Variants in DNAH5 observed in about 807,000 individuals in gnomAD.
DNAH5 encodes the protein dynein axonemal heavy chain 5, also known as axonemal beta dynein heavy chain 5.
In DNAH5, 372 loss-of-function variants were observed where a neutral mutation model predicts 518.2. The observed-to-expected ratio is 0.72, with a 90% CI of 0.66 to 0.78. The LOEUF (loss-of-function observed/expected upper bound fraction) is 0.78. Ranked by LOEUF, DNAH5 falls within the 30% of genes least tolerant of loss-of-function variation. The pLI is 0.00. For synonymous variants in DNAH5, 2,039 were observed against 2,025.9 expected (o/e 1.01, Z -0.17); for missense variants, 5,523 against 5,687.0 (o/e 0.97, Z 0.93).
At chr5:13,928,360 A>T (rs969614746) in intron 2 of DNAH5, among the ~76,000 whole-genome samples, 182 bp from the exon 3 acceptor site, 1 of 152,262 alleles carries the variant, frequency 6.6e-6, no homozygotes, top group Non-Finnish European at 1.5e-5. Context: ...GTCTCACCAT[A>T]GTAAAGACTC....
chr5:13,846,340 T>G (rs562456346), intron 31 of DNAH5, among the ~76,000 whole-genome samples: 2 of 152,134 alleles, frequency 1.3e-5, no homozygotes, highest in Non-Finnish European at 2.9e-5. Context: ...TTGTGAACAT[T>G]GTATTATTTC....
intron 70 of DNAH5, among the ~76,000 whole-genome samples, chr5:13,723,042 T>G (rs1396976975): frequency 1.3e-5 from 2 of 152,204 alleles, no homozygotes; most frequent in East Asian, 3.8e-4. Flanking sequence ...CCTTCCTCTC[T>G]ATTAGTTCAG....
Position 13,864,390 on chromosome 5 carries a change from A to T in DNAH5, c.4596+7T>A. ...ACCTTGCAATCTTCCATCACATCAT[A>T]CTCTACCTCTATTTCCTCTTTATAT... is the stretch of plus-strand genomic sequence containing the variant. On this transcript the variant is annotated splice_region_variant and intron_variant, in intron 28 of 78. Coordinates refer to ENST00000265104, the MANE Select transcript of DNAH5 (RefSeq NM_001369.3). The T allele has an allele frequency of 6.2e-7, 1 of 1,613,510 alleles. No homozygotes were observed. Among genetic ancestry groups the T allele is most frequent in the Non-Finnish European group, 8.5e-7 (1 of 1,179,930 alleles).
At chr5:13,863,159 A>T (rs1768734489) in intron 28 of DNAH5, among the ~76,000 whole-genome samples, 1 of 152,126 alleles carries the variant, frequency 6.6e-6, no homozygotes, top group Non-Finnish European at 1.5e-5. Context: ...TGATTCTCCC[A>T]TGGCTCTGTT....
rs1766726213 is a variant in DNAH5 at position 13,850,780 on chromosome 5, C to T, written c.4986G>A (p.Trp1662Ter). 6.2e-7 allele frequency: 1 copy of T among 1,614,008 alleles called. No homozygotes were observed. Among genetic ancestry groups the T allele is most frequent in the African/African-American group, 1.3e-5 (1 of 74,912 alleles). ...AKRFSNIDKS[W>*]VKIMTRAHEV... ...CATGTGCCCGAGTCATGATCTTCAC[C>T]CAAGATTTATCTATGTTAGAAAACC... The change falls in exon 31 of 79, where the codon TGG (tryptophan) becomes TGA (stop). Residue 1662 changes from tryptophan to a stop codon, truncating the protein, a stop_gained. Coordinates refer to ENST00000265104, the MANE Select transcript of DNAH5 (RefSeq NM_001369.3). LOFTEE classifies it high-confidence loss of function.
At chr5:13,839,266 C>T in intron 35 of DNAH5, 90 bp downstream of exon 35, 5 of 1,156,402 alleles carry the variant, frequency 4.3e-6, no homozygotes, top group Non-Finnish European at 6.5e-6. Flanking sequence ...GTATAAAGAG[C>T]CTATAAACCC....
chr5:13,749,768 C>T (rs373062669), intron 65 of DNAH5, among the ~76,000 whole-genome samples: 7 of 152,200 alleles, frequency 4.6e-5, no homozygotes, highest in African/African-American at 1.7e-4. Context: ...CTCCAGGTCA[C>T]ATGCTATTGC....
chr5:13,878,609 C>T (rs1478496060), intron 21 of DNAH5, among the ~76,000 whole-genome samples: 3 of 152,186 alleles, frequency 2.0e-5, no homozygotes, highest in African/African-American at 2.4e-5. Context: ...AGCTACGACA[C>T]GCACCAAGTG....
At chr5:13,778,907 T>C (rs1191708361) in intron 53 of DNAH5, among the ~76,000 whole-genome samples, 1 of 152,212 alleles carries the variant, frequency 6.6e-6, no homozygotes, top group Non-Finnish European at 1.5e-5. Flanking sequence ...GCAGAGGAAC[T>C]AGTCTGCCAC....
intron 1 of DNAH5, among the ~76,000 whole-genome samples, chr5:13,957,323 CAA>C (rs1780826952): frequency 6.6e-6 from 1 of 152,138 alleles, no homozygotes; most frequent in African/African-American, 2.4e-5. Context: ...TAAGGAAATA[CAA>C]AACAGACCCA....
chr5:13,962,735 T>C (rs1781265710), intron 1 of DNAH5, among the ~76,000 whole-genome samples: 1 of 152,158 alleles, frequency 6.6e-6, no homozygotes, highest in African/African-American at 2.4e-5. Context: ...GGGTTCTCCC[T>C]AAACTGGCTT....
intron 1 of DNAH5, among the ~76,000 whole-genome samples, chr5:13,977,641 A>C (rs981810705): frequency 3.3e-5 from 5 of 151,912 alleles, no homozygotes; most frequent in African/African-American, 1.2e-4. Context: ...CCAGACTAGC[A>C]ACTCCAATTT....
At chr5:13,760,487 A>G (rs1751628899) in intron 60 of DNAH5, among the ~76,000 whole-genome samples, 1 of 152,224 alleles carries the variant, frequency 6.6e-6, no homozygotes, top group Admixed American at 6.5e-5. Flanking sequence ...TACTGTTATT[A>G]TCTATGTTCA....
At chr5:13,863,996 C>A (rs1014988747) in intron 28 of DNAH5, among the ~76,000 whole-genome samples, 9 of 152,190 alleles carry the variant, frequency 5.9e-5, no homozygotes, top group Non-Finnish European at 7.4e-5. Context: ...AGCCCCTCAC[C>A]CCAACCACAC....
At position 13,787,045 on chromosome 5, in the gene DNAH5, C is replaced by A. The variant is rs539490167; in HGVS notation, c.8648-694G>T. ...GACCAGCCTGACCAACATGGTGAAA[C>A]CCCATCTCTACTAAAATTACAGAAA... On this transcript the variant is annotated intron_variant, in intron 51 of 78. Transcript: ENST00000265104. Among the ~76,000 whole-genome samples, 338 of 152,086 alleles carry A rather than the reference C, an allele frequency of 2.2e-3. 3 individuals are homozygous for A. The highest frequency in any genetic ancestry group is 7.9e-3 in the African/African-American group (328 of 41,502).
intron 30 of DNAH5, among the ~76,000 whole-genome samples, chr5:13,851,733 A>G (rs1028500415): frequency 6.6e-6 from 1 of 152,120 alleles, no homozygotes; most frequent in Non-Finnish European, 1.5e-5. Context: ...TCTAAGTCCA[A>G]TTTTAGATTC....
At chr5:13,973,080 T>C (rs777857095) in intron 1 of DNAH5, among the ~76,000 whole-genome samples, 11 of 152,182 alleles carry the variant, frequency 7.2e-5, no homozygotes, top group Non-Finnish European at 1.5e-4. Context: ...GCCTGGATTA[T>C]CCAGGTGGGC....
At position 13,774,312 on chromosome 5, in the gene DNAH5, T is replaced by C. The variant is rs980286062; in HGVS notation, c.9373+2127A>G. Among the ~76,000 whole-genome samples, 3 of 152,174 alleles carry C rather than the reference T, an allele frequency of 2.0e-5. No homozygotes were observed. The South Asian group carries it at 6.2e-4, about 32-fold the overall frequency. On this transcript the variant is annotated intron_variant, in intron 55 of 78. Coordinates refer to ENST00000265104, the MANE Select transcript of DNAH5 (RefSeq NM_001369.3). Reference sequence around the variant, plus strand: ...GGGAGGTGTTGATGACAAAGGGGTCTCAGGTTGCCTAGTTTGATGAGCGAT... The same window carrying C: ...GGGAGGTGTTGATGACAAAGGGGTCCCAGGTTGCCTAGTTTGATGAGCGAT...
At chr5:13,841,186 T>C in intron 33 of DNAH5, 56 bp from the exon 34 acceptor site, 1 of 1,364,098 alleles carries the variant, frequency 7.3e-7, no homozygotes, top group Non-Finnish European at 1.0e-6. Context: ...TGTATTTAAA[T>C]AGAAATACAA....
Sources: allele counts gnomAD v4.1 joint callset (sites outside exome capture counted in the v4.1 genomes callset), GRCh38; gene constraint gnomAD v4.1.1; transcripts MANE v1.5; gene names NCBI Gene and HGNC (gene_info 2026-07-23, HGNC 2026-07-21).